SCRIB: variants seen among roughly 807,000 people sequenced by gnomAD.
SCRIB encodes the protein protein scribble homolog.
In SCRIB, 72 loss-of-function variants were observed where a neutral mutation model predicts 170.0. The observed-to-expected ratio is 0.42, with a 90% CI of 0.35 to 0.52. The LOEUF (loss-of-function observed/expected upper bound fraction) is 0.52. Ranked by LOEUF, SCRIB falls within the 20% of genes least tolerant of loss-of-function variation. SCRIB has a pLI of 0.02. For missense variants in SCRIB, 2,475 were observed against 2,338.5 expected (o/e 1.06, Z -1.20); for synonymous variants, 1,298 against 1,044.3 (o/e 1.24, Z -4.68).
intron 34 of SCRIB, 53 bp downstream of exon 34, chr8:143,791,823 C>CG: frequency 2.1e-6 from 3 of 1,418,420 alleles, no homozygotes; most frequent in Non-Finnish European, 2.8e-6. Flanking sequence ...GCAGGCCAGA[C>CG]CCCACCCCCA....
intron 15 of SCRIB, 134 bp from the exon 16 acceptor site, chr8:143,807,748 G>T (rs1815494042): frequency 1.3e-6 from 1 of 746,394 alleles, no homozygotes; most frequent in Middle Eastern, 2.5e-4. Context: ...CCTGGCACGG[G>T]CGCCTCCATC....
Position 143,813,874 on chromosome 8 carries a change from G to A in SCRIB, c.300C>T (p.Ser100=). The change falls in exon 3 of 37, where the codon AGC becomes AGT. Residue 100 remains serine, a synonymous_variant. Transcript: ENST00000356994. The stretch of plus-strand genomic sequence containing the variant: ...TCTCCAGAGCCTTGCAGAACTTGAT[G>A]CTCTCCGGGATCTCAGGGATATCTG... ...SRNDIPEIPE[S]IKFCKALEIA... is the part of the protein sequence containing the mutation. 1 of 1,609,176 alleles carries A rather than the reference G, an allele frequency of 6.2e-7. No individual in the cohort carries two copies. Among genetic ancestry groups the A allele is most frequent in the Non-Finnish European group, 8.5e-7 (1 of 1,176,838 alleles).
rs756343134 is a variant in SCRIB at position 143,810,954 on chromosome 8, T to G, written c.1225A>C (p.Lys409Gln). The G allele has an allele frequency of 5.6e-6, 9 of 1,611,834 alleles. No homozygotes were observed. Among genetic ancestry groups the G allele is most frequent in the Non-Finnish European group, 7.6e-6 (9 of 1,179,754 alleles). Residue 409 changes from lysine to glutamine, a missense_variant, in exon 11 of 37, where the codon AAG (lysine) becomes CAG (glutamine). Around this residue, in one of 3 missense-constraint regions of SCRIB, gnomAD observed 487 missense variants for 558.1 expected, o/e 0.87. Transcript: ENST00000356994. The stretch of plus-strand genomic sequence containing the variant: ...GGCAGCAAGTAGCAGGTGAGCACCT[T>G]CTCGCCGGTCCGGGCATCATCCTCC... Reference protein sequence around the residue: ...QTEDDARTGEKVLTCYLLPQQ... With the variant: ...QTEDDARTGEQVLTCYLLPQQ...
Position 143,805,343 on chromosome 8 carries a change from C to T in SCRIB, c.2439G>A (p.Arg813=), listed in dbSNP as rs782239265. 5.2e-6 allele frequency: 8 copies of T among 1,549,868 alleles called. No homozygotes were observed. Among genetic ancestry groups the T allele is most frequent in the Non-Finnish European group, 6.9e-6 (8 of 1,153,730 alleles). ...AGTAVQMRVW[R]ERMVEPENAV... ...CGTTCTCAGGCTCCACCATGCGCTCCCGCCACACTCGCATCTGCACGGCAG... is the reference window on the plus strand; with the variant it reads ...CGTTCTCAGGCTCCACCATGCGCTCTCGCCACACTCGCATCTGCACGGCAG... The change falls in exon 19 of 37, where the codon CGG becomes CGA. Residue 813 remains arginine, a synonymous_variant. Transcript: ENST00000356994.
At chr8:143,806,775 C>T (rs1815443707) in intron 17 of SCRIB, 149 bp downstream of exon 17, 8 of 661,388 alleles carry the variant, frequency 1.2e-5, no homozygotes, top group Admixed American at 8.9e-5. Context: ...TCTTGGACTT[C>T]GGGATCCCAC....
intron 14 of SCRIB, 35 bp from the exon 15 acceptor site, chr8:143,809,060 CTG>C (rs1221199279): frequency 1.3e-6 from 2 of 1,576,316 alleles, no homozygotes; most frequent in South Asian, 1.2e-5. Context: ...GGCCCCAGCT[CTG>C]TGGCTGTGCT....
intron 21 of SCRIB, among the ~76,000 whole-genome samples, 166 bp downstream of exon 21, chr8:143,804,402 C>T (rs1158713485): frequency 1.3e-5 from 2 of 152,260 alleles, no homozygotes; most frequent in Non-Finnish European, 2.9e-5. Flanking sequence ...ACTGAGGAGT[C>T]TGGCTGTGGG....
In SCRIB at chr8:143,810,728, G is replaced by A. The variant is rs1219226673; in HGVS notation, c.1362C>T (p.Pro454=). The change falls in exon 12 of 37, where the codon CCC becomes CCT. Residue 454 remains proline (P), a synonymous_variant. Transcript: ENST00000356994. The stretch of plus-strand genomic sequence containing the variant: ...CTTCCTCAGCGTCCTCATCACCTAT[G>A]GGGGCCTCCAGGAACTGGATGACGC... ...RVSVIQFLEA[P]IGDEDAEEAA... The A allele has an allele frequency of 2.5e-6, 4 of 1,609,034 alleles. No individual in the cohort carries two copies. Among genetic ancestry groups the A allele is most frequent in the African/African-American group, 1.3e-5 (1 of 74,990 alleles).
chr8:143,795,479 TC>T lies in SCRIB; in HGVS notation c.3654del (p.Asn1219ThrfsTer13). 1 of 1,613,214 alleles carries T rather than the reference TC, an allele frequency of 6.2e-7. No homozygotes were observed. Among genetic ancestry groups the T allele is most frequent in the Non-Finnish European group, 8.5e-7 (1 of 1,179,816 alleles). ...ANPFAAGIGH[R>X]NSLESISSID... ...ATGGAAGAGATGCTCTCCAGGCTGTTCCGGTGGCCGATGCCTGCCGCAAAGG... is the reference window on the plus strand; with the variant it reads ...ATGGAAGAGATGCTCTCCAGGCTGTTCGGTGGCCGATGCCTGCCGCAAAGG... On this transcript the variant is annotated frameshift_variant, in exon 25 of 37. Transcript: ENST00000356994. LOFTEE classifies it high-confidence loss of function.
At chr8:143,798,547 GTTTC>G (rs1563792605) in intron 24 of SCRIB, among the ~76,000 whole-genome samples, 1 of 152,172 alleles carries the variant, frequency 6.6e-6, no homozygotes, top group African/African-American at 2.4e-5. Context: ...CGATCCTCCT[GTTTC>G]AGCCTCCTGA....
At chr8:143,814,145 G>A (rs1163552674) in intron 1 of SCRIB, 27 bp from the exon 2 acceptor site, 2 of 1,531,252 alleles carry the variant, frequency 1.3e-6, no homozygotes, top group Middle Eastern at 3.6e-4. Flanking sequence ...CACGGACTCT[G>A]TGGCAGAGAC....
At chr8:143,794,283 T>C (rs1563789368) in intron 27 of SCRIB, 5 of 358,548 alleles carry the variant, frequency 1.4e-5, no homozygotes, top group East Asian at 4.4e-5. Flanking sequence ...GAGACAGAGG[T>C]GATGGTGGGG....
Position 143,806,980 on chromosome 8 carries a change from G to A in SCRIB, c.2212C>T (p.Leu738=), listed in dbSNP as rs782218209. 40 of 1,613,286 alleles carry A rather than the reference G, an allele frequency of 2.5e-5. No homozygotes were observed. The highest frequency in any genetic ancestry group is 2.9e-5 in the Non-Finnish European group (34 of 1,179,748). ...TTGCCGCCCGCAATGCTGATGCCCA[G>A]GCCCCCAGTCTGCCGCAGGATAGTG... ...TLTILRQTGG[L]GISIAGGKGS... Residue 738 remains leucine, a synonymous_variant, in exon 17 of 37, where the codon CTG becomes TTG. Coordinates refer to ENST00000356994, the MANE Select transcript of SCRIB (RefSeq NM_182706.5).
chr8:143,803,859 C>G lies in SCRIB; in HGVS notation c.3202G>C (p.Asp1068His), dbSNP rs782111670. Residue 1068 changes from aspartate (D) to histidine (H), a missense_variant, in exon 23 of 37, where the codon GAT becomes CAT. Physicochemically the swap from Asp to His is moderately conservative, Grantham distance 81. Around this residue, in one of 3 missense-constraint regions of SCRIB, gnomAD observed 1,966 missense variants for 1,742.9 expected, o/e 1.13. Coordinates refer to ENST00000356994, the MANE Select transcript of SCRIB (RefSeq NM_182706.5). ...CTGACTGCTTCTTGGTGCGTGGCATCCCGCACGTCTTGCCCGTTCACTGCC... is the reference window on the plus strand; with the variant it reads ...CTGACTGCTTCTTGGTGCGTGGCATGCCGCACGTCTTGCCCGTTCACTGCC... Reference protein sequence around the residue: ...ILAVNGQDVRDATHQEAVSAL... With the variant: ...ILAVNGQDVRHATHQEAVSAL... 1.2e-6 allele frequency: 2 copies of G among 1,602,018 alleles called. No individual in the cohort carries two copies. Among genetic ancestry groups the G allele is most frequent in the Non-Finnish European group, 1.7e-6 (2 of 1,176,262 alleles).
intron 34 of SCRIB, 47 bp downstream of exon 34, chr8:143,791,829 C>CA (rs782275664): frequency 2.6e-6 from 4 of 1,526,206 alleles, no homozygotes; most frequent in South Asian, 1.2e-5. Context: ...CAGACCCCAC[C>CA]CCCATGCCTC....
chr8:143,812,392 C>A lies in SCRIB; in HGVS notation c.788-8G>T, dbSNP rs371333180. ...ATAGCTGCTTCAGCTGACCTGGCGT[C>A]GGGGAGACAGGGGGACAAGGCTGAG... On this transcript the variant is annotated splice_polypyrimidine_tract_variant and splice_region_variant and intron_variant, in intron 8 of 36. Transcript: ENST00000356994. 250 of 1,598,728 alleles carry A rather than the reference C, an allele frequency of 1.6e-4. 1 individual carries two copies. Among genetic ancestry groups the A allele is most frequent in the Admixed American group, 1.2e-3 (71 of 59,984 alleles).
chr8:143,794,383 GC>G (rs1483211312), intron 27 of SCRIB: 1 of 188,108 alleles, frequency 5.3e-6, no homozygotes, highest in African/African-American at 2.3e-5. Context: ...AGGATGAAGG[GC>G]CTCCCGGAAG....
chr8:143,794,035 C>T, intron 27 of SCRIB, 73 bp from the exon 28 acceptor site: 1 of 1,456,766 alleles, frequency 6.9e-7, no homozygotes, highest in Admixed American at 1.8e-5. Flanking sequence ...ACTGGGGGCC[C>T]TGGGGCTTGC....
chr8:143,811,426 C>T, intron 9 of SCRIB, 81 bp from the exon 10 acceptor site: 2 of 1,285,860 alleles, frequency 1.6e-6, no homozygotes, highest in Non-Finnish European at 2.2e-6. Flanking sequence ...CAGGAGGGCA[C>T]AGACACCCCA....
Sources: allele counts gnomAD v4.1 joint callset (sites outside exome capture counted in the v4.1 genomes callset), GRCh38; gene constraint gnomAD v4.1.1; regional missense constraint gnomAD v4.1.1; transcripts MANE v1.5; gene names NCBI Gene and HGNC (gene_info 2026-07-23, HGNC 2026-07-21).